The following MLPH variants were observed in gnomAD, a reference collection of about 807,000 sequenced individuals.
MLPH encodes the protein exophilin-3.
In MLPH, 51 loss-of-function variants were observed where a neutral mutation model predicts 72.1. The ratio of observed to expected loss-of-function variants is 0.71; its 90% CI spans 0.56 to 0.89. The LOEUF is 0.89. Among genes scored for constraint, MLPH ranks in the 40% least tolerant of loss-of-function variants. The probability of loss-of-function intolerance (pLI) is 0.00; values close to 1 mark genes in which losing one functional copy is unlikely to be tolerated. For missense variants in MLPH, 743 were observed against 759.9 expected, an observed-to-expected ratio of 0.98 and a Z score of 0.26; for synonymous variants, 301 against 310.1, an observed-to-expected ratio of 0.97 and a Z score of 0.31.
rs1033514227 is a variant in MLPH at position 237,541,483 on chromosome 2, A to G, written c.1446+526A>G. Among the ~76,000 whole-genome samples the G allele has an allele frequency of 1.1e-4, 17 of 152,176 alleles. No homozygotes were observed. Among genetic ancestry groups the G allele is most frequent in the Non-Finnish European group, 4.4e-5 (3 of 68,018 alleles). On this transcript the variant is annotated intron_variant, in intron 11 of 15. Coordinates refer to ENST00000264605, the MANE Select transcript of MLPH (RefSeq NM_024101.7). This position sits in a 1 kb window ranked among gnomAD's most constrained non-coding sequence, Gnocchi z 5.1. ...TCCTCCCTGGAGACCTACAGAGAGGAGAGGGGGTGCCTCTCGGACTGTGAG... is the reference window on the plus strand; with the variant it reads ...TCCTCCCTGGAGACCTACAGAGAGGGGAGGGGGTGCCTCTCGGACTGTGAG...
At chr2:237,504,528 T>A (rs1442521467) in intron 2 of MLPH, among the ~76,000 whole-genome samples, 1 of 152,206 alleles carries the variant, frequency 6.6e-6, no homozygotes, top group Non-Finnish European at 1.5e-5. Flanking sequence ...AGCATTTGCA[T>A]TGTTTTAAGC....
chr2:237,523,295 T>A (rs1559356568), intron 6 of MLPH, among the ~76,000 whole-genome samples: 2 of 152,200 alleles, frequency 1.3e-5, no homozygotes, highest in Non-Finnish European at 2.9e-5. Context: ...TATGAACCTT[T>A]TTTGCAGGGG....
intron 2 of MLPH, among the ~76,000 whole-genome samples, chr2:237,497,469 G>A (rs903436745): frequency 6.6e-6 from 1 of 152,234 alleles, no homozygotes; most frequent in Admixed American, 6.5e-5. Context: ...GAGCCCCGGG[G>A]AGTGGCAGGG....
In MLPH at chr2:237,493,393, G is replaced by A; in HGVS notation, c.-24-10G>A. ...TGGGACTGATGACTTGTGATCCTGT[G>A]ACATTCCAGGTGTGACCCCGACAAG... is the stretch of plus-strand genomic sequence containing the variant. On this transcript the variant is annotated splice_polypyrimidine_tract_variant and intron_variant, in intron 1 of 15. Transcript: ENST00000264605. 6.4e-7 allele frequency: 1 copy of A among 1,551,380 alleles called. No homozygotes were observed. The highest frequency in any genetic ancestry group is 8.9e-7 in the Non-Finnish European group (1 of 1,123,234).
chr2:237,532,926 G>A, intron 8 of MLPH, among the ~76,000 whole-genome samples: 1 of 152,204 alleles, frequency 6.6e-6, no homozygotes, highest in East Asian at 1.9e-4. Flanking sequence ...CTGAGAGATT[G>A]CAAAGACAGG....
intron 1 of MLPH, among the ~76,000 whole-genome samples, chr2:237,491,589 A>G (rs950065137): frequency 3.9e-5 from 6 of 152,328 alleles, no homozygotes; most frequent in African/African-American, 1.4e-4. Flanking sequence ...TAAGGGGTAT[A>G]AAGAAACGTT....
intron 8 of MLPH, among the ~76,000 whole-genome samples, chr2:237,534,077 A>G (rs2080481611): frequency 6.6e-6 from 1 of 152,212 alleles, no homozygotes; most frequent in South Asian, 2.1e-4. Flanking sequence ...TGGTGACTCA[A>G]GGGATGAGGA....
At position 237,519,939 on chromosome 2, in the gene MLPH, C is replaced by T. The variant is rs185097415; in HGVS notation, c.585C>T (p.Phe195=). The change falls in exon 6 of 16, where the codon TTC becomes TTT. Residue 195 remains phenylalanine, a synonymous_variant. Transcript: ENST00000264605. The stretch of plus-strand genomic sequence containing the variant: ...AGCGCCTCCTCTCCGTCCACGACTT[C>T]GACTTCGAGGGAGACTCAGATGACT... The part of the protein sequence containing the change: ...KKKRLLSVHD[F]DFEGDSDDST... 9 of 1,614,004 alleles carry T rather than the reference C, an allele frequency of 5.6e-6. No individual in the cohort carries two copies. The highest frequency in any genetic ancestry group is 1.3e-5 in the African/African-American group (1 of 75,024).
intron 11 of MLPH, among the ~76,000 whole-genome samples, chr2:237,542,366 C>A (rs990777674): frequency 1.1e-4 from 16 of 152,172 alleles, no homozygotes; most frequent in African/African-American, 3.6e-4. Context: ...GGAACACCCC[C>A]CCCTTCTCAA....
rs397689972 is a variant in MLPH at position 237,519,087 on chromosome 2, G to GTTTT, written c.555+445_555+448dup. 5.5e-3 allele frequency among the ~76,000 whole-genome samples: 817 copies of GTTTT among 148,348 alleles called. 14 individuals are homozygous for GTTTT. Among genetic ancestry groups the GTTTT allele is most frequent in the African/African-American group, 0.02 (789 of 38,696 alleles). On this transcript the variant is annotated intron_variant, in intron 5 of 15. Transcript: ENST00000264605. ...TTCTGGGTTTTGTTTTGTTTTGTTT[G>GTTTT]TTTTTTTTTGCCAACCATGAGCCTT...
chr2:237,500,970 T>C (rs547220506), intron 2 of MLPH, among the ~76,000 whole-genome samples: 1 of 151,968 alleles, frequency 6.6e-6, no homozygotes, highest in Admixed American at 6.5e-5. Context: ...TCCCCCAGAC[T>C]CATGCCTTAA....
chr2:237,513,564 T>C (rs1324404811), intron 4 of MLPH, among the ~76,000 whole-genome samples: 1 of 152,234 alleles, frequency 6.6e-6, no homozygotes, highest in Non-Finnish European at 1.5e-5. Flanking sequence ...TTTTTGGTTT[T>C]TTTCTTTTTT....
chr2:237,486,522 G>C (rs901738432), upstream of MLPH: 1 of 152,272 alleles, frequency 6.6e-6, no homozygotes, highest in African/African-American at 2.4e-5. Context: ...CTAGAGTCCA[G>C]GAGAAGAGCG....
At chr2:237,551,689 G>T (rs1475522966) in intron 14 of MLPH, among the ~76,000 whole-genome samples, 2 of 152,180 alleles carry the variant, frequency 1.3e-5, no homozygotes, top group African/African-American at 2.4e-5. Context: ...CAAAGGAAAG[G>T]CAAGGAAGCC....
intron 13 of MLPH, 72 bp downstream of exon 13, chr2:237,546,755 G>T (rs1362776178): frequency 7.7e-7 from 1 of 1,301,200 alleles, no homozygotes; most frequent in African/African-American, 1.5e-5. Context: ...CAGCAGTGTG[G>T]CAAGTCCACG....
intron 2 of MLPH, among the ~76,000 whole-genome samples, chr2:237,500,565 G>C (rs1231781524): frequency 2.0e-5 from 3 of 152,162 alleles, no homozygotes; most frequent in African/African-American, 7.2e-5. Flanking sequence ...ACCCACATCA[G>C]AGACACATCC....
chr2:237,527,501 G>A lies in MLPH; in HGVS notation c.1005G>A (p.Ala335=), dbSNP rs140358381. ...ACCATTCCAAGCGGAGAGGCCGGGC[G>A]TCTTCTGAGAGTCAGGTAACGGTGG... ...ASHHSKRRGR[A]SSESQIFELN... is the part of the protein sequence containing the mutation. The change falls in exon 8 of 16, where the codon GCG becomes GCA. Residue 335 remains alanine (A), a synonymous_variant. Coordinates refer to ENST00000264605, the MANE Select transcript of MLPH (RefSeq NM_024101.7). 52 of 1,614,064 alleles carry A rather than the reference G, an allele frequency of 3.2e-5. No homozygotes were observed. In the African/African-American group the frequency reaches 3.3e-4, roughly 10 times the overall value.
rs374233749 is a variant in MLPH at position 237,554,481 on chromosome 2, T to G, written c.*889T>G. 7.1e-5 allele frequency: 11 copies of G among 154,098 alleles called. No homozygotes were observed. Among genetic ancestry groups the G allele is most frequent in the African/African-American group, 2.2e-4 (9 of 41,532 alleles). The allele number at this position is 154,098 out of a possible 1,614,324, so 9.5% of individuals were successfully genotyped here. A position where few individuals can be genotyped will look rare whatever the true frequency, so the allele number is the denominator to read the frequency against. On this transcript the variant is annotated 3_prime_UTR_variant, in exon 16 of 16. Coordinates refer to ENST00000264605, the MANE Select transcript of MLPH (RefSeq NM_024101.7). ...ACTCGCCCATTGGTTACATAGATGA[T>G]CTCTCAGACAGGCTGGGACTCAGAG... is the stretch of plus-strand genomic sequence containing the variant.
chr2:237,511,454 A>T (rs759255021), intron 4 of MLPH: 1 of 330,636 alleles, frequency 3.0e-6, no homozygotes, highest in Admixed American at 4.5e-5. Context: ...TCTGCATCCC[A>T]CTGGCCTGGT....
Sources: allele counts gnomAD v4.1 joint callset (sites outside exome capture counted in the v4.1 genomes callset), GRCh38; gene constraint gnomAD v4.1.1; non-coding constraint Gnocchi (gnomAD v3.1); transcripts MANE v1.5; gene names NCBI Gene and HGNC (gene_info 2026-07-23, HGNC 2026-07-21).